The following MAGI2 variants were observed in gnomAD, a reference collection of about 807,000 sequenced individuals.
MAGI2 encodes the protein membrane associated guanylate kinase, WW and PDZ domain containing 2, also known as membrane-associated guanylate kinase, WW and PDZ domain-containing protein 2.
A neutral mutation model predicts 133.3 loss-of-function variants in MAGI2; 35 were observed. That is an observed-to-expected ratio of 0.26 (90% confidence interval 0.20 to 0.35). The LOEUF (loss-of-function observed/expected upper bound fraction) is 0.35. Ranked by LOEUF, MAGI2 falls within the 10% of genes least tolerant of loss-of-function variation. The pLI, the probability that MAGI2 is intolerant of heterozygous loss-of-function variation, is 1.00. For synonymous variants in MAGI2, 729 were observed against 710.6 expected (o/e 1.03, Z -0.41); for missense variants, 1,636 against 1,863.4 (o/e 0.88, Z 2.25).
chr7:78,311,977 G>T (rs1418025910), intron 9 of MAGI2, among the ~76,000 whole-genome samples: 4 of 151,962 alleles, frequency 2.6e-5, no homozygotes, highest in Non-Finnish European at 5.9e-5. Flanking sequence ...CACCATGTTG[G>T]CCAGGTTGGT....
At chr7:78,418,333 T>C (rs569000631) in intron 6 of MAGI2, among the ~76,000 whole-genome samples, 1 of 152,126 alleles carries the variant, frequency 6.6e-6, no homozygotes, top group Non-Finnish European at 1.5e-5. Context: ...GTGTTAACAT[T>C]TTTTTGAGAT....
chr7:78,704,596 A>C (rs561571807), intron 2 of MAGI2, among the ~76,000 whole-genome samples: 1 of 152,102 alleles, frequency 6.6e-6, no homozygotes, highest in Non-Finnish European at 1.5e-5. Context: ...AGACACATGC[A>C]TGCACATGTT....
chr7:78,208,815 C>T (rs1477821800), intron 10 of MAGI2, among the ~76,000 whole-genome samples: 1 of 151,910 alleles, frequency 6.6e-6, no homozygotes, highest in African/African-American at 2.4e-5. Flanking sequence ...TGGTGTCTTA[C>T]AAGCATCATA....
At chr7:78,266,144 A>ATG (rs1290922232) in intron 9 of MAGI2, among the ~76,000 whole-genome samples, 1 of 151,546 alleles carries the variant, frequency 6.6e-6, no homozygotes, top group Non-Finnish European at 1.5e-5. Context: ...TTGTGTGTGT[A>ATG]TGTGTGTGTT....
At chr7:78,206,244 T>G (rs1829716793) in intron 10 of MAGI2, among the ~76,000 whole-genome samples, 1 of 151,940 alleles carries the variant, frequency 6.6e-6, no homozygotes, top group African/African-American at 2.4e-5. Flanking sequence ...TATCATGATA[T>G]CGTCAATTTG....
At chr7:78,028,213 C>T (rs1050267466) in intron 21 of MAGI2, among the ~76,000 whole-genome samples, 1 of 152,132 alleles carries the variant, frequency 6.6e-6, no homozygotes, top group African/African-American at 2.4e-5. Flanking sequence ...AGCATTGTTT[C>T]CAAGTATGGA....
intron 3 of MAGI2, among the ~76,000 whole-genome samples, chr7:78,527,841 A>C (rs1797110419): frequency 6.6e-6 from 1 of 152,192 alleles, no homozygotes. Flanking sequence ...GTATAATAAT[A>C]TGTGTAGGTT....
chr7:79,296,359 G>A (rs1278565091), intron 1 of MAGI2, among the ~76,000 whole-genome samples: 1 of 152,146 alleles, frequency 6.6e-6, no homozygotes, highest in Non-Finnish European at 1.5e-5. Flanking sequence ...AATGAAATCA[G>A]TTGTGTTGAA....
At chr7:79,326,389 CTA>C (rs1371083037) in intron 1 of MAGI2, among the ~76,000 whole-genome samples, 1 of 152,132 alleles carries the variant, frequency 6.6e-6, no homozygotes, top group African/African-American at 2.4e-5. Flanking sequence ...TCAGGTTACA[CTA>C]TGATATTATT....
chr7:78,649,014 A>G (rs1392391670), intron 2 of MAGI2, among the ~76,000 whole-genome samples: 2 of 151,940 alleles, frequency 1.3e-5, no homozygotes, highest in Non-Finnish European at 2.9e-5. Context: ...AACATTCTTC[A>G]TAATACACTG....
rs112006799 is a variant in MAGI2, at chr7:78,760,059, C to G, written c.419-132820G>C. Among the ~76,000 whole-genome samples the G allele has an allele frequency of 2.6e-5, 4 of 151,886 alleles. No homozygotes were observed. In the South Asian group the frequency reaches 8.3e-4, roughly 32 times the overall value. ...GAACCCTGAAAGGTGGAGGTTGCAG[C>G]GAGCCAAGATCATGCCACTGCACTC... On this transcript the variant is annotated intron_variant, in intron 2 of 21. Transcript: ENST00000354212.
At chr7:79,336,396 A>C (rs1290326763) in intron 1 of MAGI2, among the ~76,000 whole-genome samples, 1 of 152,132 alleles carries the variant, frequency 6.6e-6, no homozygotes, top group Non-Finnish European at 1.5e-5. Context: ...ACTTATAAAA[A>C]TAAAACTAGG....
At chr7:78,051,871 C>A (rs7789144) in intron 21 of MAGI2, among the ~76,000 whole-genome samples, 25,767 of 148,494 alleles carry the variant, frequency 0.17, 3,300 homozygotes, top group African/African-American at 0.35. Context: ...AGGTGTGAGC[C>A]ACCATACCCA....
At chr7:79,374,937 C>A (rs185988006) in intron 1 of MAGI2, among the ~76,000 whole-genome samples, 1 of 151,844 alleles carries the variant, frequency 6.6e-6, no homozygotes, top group Non-Finnish European at 1.5e-5. Flanking sequence ...CAGTTATCCA[C>A]CTACTATTTG....
intron 3 of MAGI2, among the ~76,000 whole-genome samples, chr7:78,573,058 T>C (rs548207459): frequency 2.0e-5 from 2 of 99,258 alleles, no homozygotes; most frequent in African/African-American, 4.0e-5. Context: ...TATATATATA[T>C]ATATATATAT....
At chr7:78,923,849 T>C (rs1157379280) in intron 2 of MAGI2, among the ~76,000 whole-genome samples, 1 of 152,296 alleles carries the variant, frequency 6.6e-6, no homozygotes, top group Non-Finnish European at 1.5e-5. Flanking sequence ...TTCCATTTGT[T>C]TGTATCCTCT....
chr7:79,219,077 C>T lies in MAGI2; in HGVS notation c.302-211871G>A, dbSNP rs181557916. On this transcript the variant is annotated intron_variant, in intron 1 of 21. Coordinates refer to ENST00000354212, the MANE Select transcript of MAGI2 (RefSeq NM_012301.4). ...ACCAATAGCATTTTCTTTTGAAATACTAATTCTAGCACTATAATAACAAAT... is the reference window on the plus strand; with the variant it reads ...ACCAATAGCATTTTCTTTTGAAATATTAATTCTAGCACTATAATAACAAAT... 2.2e-4 allele frequency among the ~76,000 whole-genome samples: 34 copies of T among 152,108 alleles called. No individual in the cohort carries two copies. In the East Asian group the frequency reaches 4.2e-3, roughly 19 times the overall value.
At chr7:78,076,426 T>C (rs1238866435) in intron 21 of MAGI2, among the ~76,000 whole-genome samples, 2 of 125,306 alleles carry the variant, frequency 1.6e-5, no homozygotes, top group East Asian at 2.3e-4. Flanking sequence ...ACCACTCCAC[T>C]CCAGTCTGGG....
At chr7:78,434,944 G>T (rs1800139331) in intron 6 of MAGI2, among the ~76,000 whole-genome samples, 2 of 152,042 alleles carry the variant, frequency 1.3e-5, no homozygotes, top group South Asian at 2.1e-4. Context: ...TTCCCTTAGG[G>T]CCCGCTGCCT....
Sources: allele counts gnomAD v4.1 joint callset (sites outside exome capture counted in the v4.1 genomes callset), GRCh38; gene constraint gnomAD v4.1.1; transcripts MANE v1.5; gene names NCBI Gene and HGNC (gene_info 2026-07-23, HGNC 2026-07-21).